Variants in RFX3 observed in about 807,000 individuals in gnomAD.
RFX3 encodes transcription factor RFX3.
A neutral mutation model predicts 98.6 loss-of-function variants in RFX3; 14 were observed. That is an observed-to-expected ratio of 0.14 (90% CI 0.09 to 0.22). The LOEUF is 0.22. RFX3 is among the 10% of genes least tolerant of loss of function. The pLI is 1.00. For missense variants in RFX3, 639 were observed against 926.9 expected (o/e 0.69, Z 4.03); for synonymous variants, 383 against 328.4 (o/e 1.17, Z -1.80).
intron 3 of RFX3, among the ~76,000 whole-genome samples, chr9:3,334,877 T>C (rs1323133233): frequency 1.3e-5 from 2 of 152,070 alleles, no homozygotes; most frequent in Non-Finnish European, 2.9e-5. Flanking sequence ...CCCAGCACTT[T>C]GGGAGGCTGA....
chr9:3,509,683 C>A (rs1332561513), intron 1 of RFX3, among the ~76,000 whole-genome samples: 1 of 151,806 alleles, frequency 6.6e-6, no homozygotes, highest in Non-Finnish European at 1.5e-5. Flanking sequence ...GGTATTTATG[C>A]AAACTTTGAA....
chr9:3,264,837 C>T (rs972855016), intron 12 of RFX3, among the ~76,000 whole-genome samples: 4 of 152,178 alleles, frequency 2.6e-5, no homozygotes, highest in Admixed American at 2.0e-4. Flanking sequence ...GTGAATCATT[C>T]AACCAAACTC....
chr9:3,507,123 A>G (rs1349671728), intron 1 of RFX3, among the ~76,000 whole-genome samples: 3 of 151,936 alleles, frequency 2.0e-5, no homozygotes, highest in Non-Finnish European at 4.4e-5. Context: ...AAGCTTATAA[A>G]CAATTTAAAA....
intron 1 of RFX3, among the ~76,000 whole-genome samples, chr9:3,457,153 A>G (rs1480210968): frequency 6.7e-6 from 1 of 149,184 alleles, no homozygotes; most frequent in Non-Finnish European, 1.5e-5. Flanking sequence ...AAAAAAAAAA[A>G]AAAAAAAAAA....
chr9:3,457,859 G>A (rs984220411), intron 1 of RFX3, among the ~76,000 whole-genome samples: 2 of 151,886 alleles, frequency 1.3e-5, no homozygotes, highest in Non-Finnish European at 2.9e-5. Flanking sequence ...CTATCTAGTC[G>A]CTGTCTTCAA....
At chr9:3,316,652 T>C (rs1830632328) in intron 4 of RFX3, among the ~76,000 whole-genome samples, 2 of 152,182 alleles carry the variant, frequency 1.3e-5, no homozygotes, top group Admixed American at 1.3e-4. Context: ...AAAATCTCCT[T>C]AAGCTGATAA....
chr9:3,422,677 A>G (rs1843558865), intron 1 of RFX3, among the ~76,000 whole-genome samples: 1 of 152,240 alleles, frequency 6.6e-6, no homozygotes, highest in Non-Finnish European at 1.5e-5. Flanking sequence ...CAATTTAGCT[A>G]CTAGCTTGAA....
chr9:3,435,802 T>TTA (rs1331902257), intron 1 of RFX3, among the ~76,000 whole-genome samples: 14 of 97,622 alleles, frequency 1.4e-4, no homozygotes, highest in African/African-American at 4.6e-4. Context: ...ATCTGCATTG[T>TTA]AAAAAAAAAA....
intron 4 of RFX3, among the ~76,000 whole-genome samples, chr9:3,323,622 G>C (rs1429911324): frequency 2.6e-5 from 4 of 152,088 alleles, no homozygotes; most frequent in Non-Finnish European, 4.4e-5. Flanking sequence ...TGCTTATCTA[G>C]ATCTTGTATG....
rs537585351 is a variant in RFX3 at position 3,489,521 on chromosome 9, A to G, written c.-9+36226T>C. On this transcript the variant is annotated intron_variant, in intron 1 of 16. Coordinates refer to ENST00000617270, the MANE Select transcript of RFX3 (RefSeq NM_001282116.2). The stretch of plus-strand genomic sequence containing the variant: ...TATGACATCAGCAGTATATTAACCA[A>G]TTACTCTACCAAATACTTAATATCT... The G allele has an allele frequency of 1.2e-5, 6 of 501,860 alleles. No individual in the cohort carries two copies. In the Admixed American group the frequency reaches 1.9e-4, roughly 16 times the overall value. 31.1% of individuals were successfully genotyped at this position (501,860 alleles called of 1,614,324 possible). A position where few individuals can be genotyped will look rare whatever the true frequency, so the allele number is the denominator to read the frequency against.
intron 4 of RFX3, among the ~76,000 whole-genome samples, chr9:3,307,511 G>A (rs1829467827): frequency 6.6e-6 from 1 of 152,146 alleles, no homozygotes; most frequent in South Asian, 2.1e-4. Flanking sequence ...ACTGCAGTGA[G>A]AATGAAAGGG....
At chr9:3,390,125 T>C (rs1840148641) in intron 2 of RFX3, among the ~76,000 whole-genome samples, 1 of 152,186 alleles carries the variant, frequency 6.6e-6, no homozygotes, top group African/African-American at 2.4e-5. Flanking sequence ...TTCTCATTGA[T>C]ATGGTTTGCC....
intron 1 of RFX3, among the ~76,000 whole-genome samples, chr9:3,502,165 A>T (rs1237680971): frequency 6.6e-6 from 1 of 151,594 alleles, no homozygotes; most frequent in Non-Finnish European, 1.5e-5. Context: ...AAGCTGAGGC[A>T]GGAGAATGGT....
At chr9:3,476,664 A>G (rs1361471664) in intron 1 of RFX3, among the ~76,000 whole-genome samples, 1 of 152,346 alleles carries the variant, frequency 6.6e-6, no homozygotes, top group Middle Eastern at 3.4e-3. Context: ...TCTTTTATGT[A>G]TCATAAGCCC....
intron 1 of RFX3, among the ~76,000 whole-genome samples, chr9:3,506,707 T>C (rs1020800523): frequency 6.6e-6 from 1 of 151,768 alleles, no homozygotes; most frequent in African/African-American, 2.4e-5. Flanking sequence ...TATAGAGAAA[T>C]GTATATATAT....
At chr9:3,384,951 AAGTC>A (rs1416090526) in intron 2 of RFX3, among the ~76,000 whole-genome samples, 1 of 152,170 alleles carries the variant, frequency 6.6e-6, no homozygotes, top group East Asian at 1.9e-4. Flanking sequence ...CTTAGCTTAA[AAGTC>A]AGTCCCTCTG....
intron 1 of RFX3, among the ~76,000 whole-genome samples, chr9:3,424,547 A>G (rs1207642070): frequency 6.6e-6 from 1 of 150,940 alleles, no homozygotes; most frequent in Non-Finnish European, 1.5e-5. Flanking sequence ...TTTTTAGTAG[A>G]GACGGGGCTT....
chr9:3,359,340 TTTG>T (rs1273186414), intron 2 of RFX3, among the ~76,000 whole-genome samples: 4 of 151,728 alleles, frequency 2.6e-5, no homozygotes, highest in African/African-American at 4.8e-5. Flanking sequence ...TAGTTTAGAG[TTTG>T]TTATTTGTTT....
intron 1 of RFX3, among the ~76,000 whole-genome samples, chr9:3,407,519 T>C (rs1842074600): frequency 2.6e-5 from 4 of 152,170 alleles, no homozygotes; most frequent in South Asian, 2.1e-4. Context: ...AGAACTTGAA[T>C]ATGCTATATC....
Sources: gnomAD v4.1 joint callset for allele counts (sites outside exome capture counted in the v4.1 genomes callset) on GRCh38, gnomAD v4.1.1 for gene constraint, MANE v1.5 for transcripts, NCBI Gene and HGNC (gene_info 2026-07-23, HGNC 2026-07-21) for gene names.